Variants in OR2W1 observed in about 807,000 individuals in gnomAD.
OR2W1 encodes olfactory receptor 2W1.
For missense variants in OR2W1, 367 were observed against 385.3 expected (o/e 0.95, Z 0.40); for synonymous variants, 133 against 137.8 (o/e 0.97, Z 0.24).
In OR2W1 at chr6:29,044,602, T is replaced by G. The variant is rs1784034812; in HGVS notation, c.574A>C (p.Thr192Pro). The change falls in exon 1 of 1, where the codon ACC becomes CCC. Residue 192 changes from threonine (T) to proline (P), a missense_variant. Physicochemically the swap from Thr to Pro is conservative, Grantham distance 38. Coordinates refer to ENST00000377175, the MANE Select transcript of OR2W1 (RefSeq NM_030903.3). This position sits in a 1 kb window ranked among gnomAD's most constrained non-coding sequence, Gnocchi z 4.3. Reference sequence around the variant, plus strand: ...AAAACAGACATTTCAACTGTTGTGGTGTCTACACAAGCTATCTTGACCAGA... The same window carrying G: ...AAAACAGACATTTCAACTGTTGTGGGGTCTACACAAGCTATCTTGACCAGA... Reference protein sequence around the residue: ...PALVKIACVDTTTVEMSVFAL... With the variant: ...PALVKIACVDPTTVEMSVFAL... The G allele has an allele frequency of 6.2e-7, 1 of 1,613,052 alleles. No homozygotes were observed. The highest frequency in any genetic ancestry group is 1.1e-5 in the South Asian group (1 of 91,084).
rs1335097537 is a variant in OR2W1, at chr6:29,044,946, A to C, written c.230T>G (p.Ile77Ser). Residue 77 changes from isoleucine (I) to serine (S), a missense_variant, in exon 1 of 1, where the codon ATC becomes AGC. Coordinates refer to ENST00000377175, the MANE Select transcript of OR2W1 (RefSeq NM_030903.3). The surrounding 1 kb of genome is among the most constrained non-coding windows in gnomAD (Gnocchi z 4.3). ...SFLDLCFTTS[I>S]IPQMLVNLWG... ...CAAGTTGACCAGCATCTGAGGGATG[A>C]TGCTGGTTGTGAAACATAGATCTAG... 16 of 1,612,984 alleles carry C rather than the reference A, an allele frequency of 9.9e-6. No individual in the cohort carries two copies. Among genetic ancestry groups the C allele is most frequent in the Non-Finnish European group, 1.4e-5 (16 of 1,179,974 alleles).
Position 29,045,059 on chromosome 6 carries a change from C to CTT in OR2W1, c.116_117insAA (p.Val40ArgfsTer31). On this transcript the variant is annotated frameshift_variant, in exon 1 of 1. Transcript: ENST00000377175. LOFTEE classifies it low-confidence loss of function (END_TRUNC). Reference sequence around the variant, plus strand: ...CAAGAATGATGGCTGTGTTACCCACCAATGTAATTAAGTAGAAGATGGCGA... The same window carrying CTT: ...CAAGAATGATGGCTGTGTTACCCACCTTAATGTAATTAAGTAGAAGATGGCGA... The CTT allele has an allele frequency of 6.2e-7, 1 of 1,612,948 alleles. No homozygotes were observed. The highest frequency in any genetic ancestry group is 1.7e-5 in the Admixed American group (1 of 60,016).
Position 29,044,478 on chromosome 6 carries a change from CT to C in OR2W1, c.697del (p.Ser233AlafsTer6). 1 of 1,613,004 alleles carries C rather than the reference CT, an allele frequency of 6.2e-7. No homozygotes were observed. The highest frequency in any genetic ancestry group is 1.7e-5 in the Admixed American group (1 of 60,016). ...KAVLRTKSKA[S>X]QRKAMNTCGS... ...ACAGGTATTCATTGCTTTTCGCTGG[CT>C]TGCTTTTGACTTCGTTCTCAGCACA... On this transcript the variant is annotated frameshift_variant, in exon 1 of 1. Coordinates refer to ENST00000377175, the MANE Select transcript of OR2W1 (RefSeq NM_030903.3). LOFTEE classifies it low-confidence loss of function (END_TRUNC). This position sits in a 1 kb window ranked among gnomAD's most constrained non-coding sequence, Gnocchi z 4.3.
rs1439518962 is a variant in OR2W1 at position 29,044,389 on chromosome 6, C to G, written c.787G>C (p.Gly263Arg). 1.9e-6 allele frequency: 3 copies of G among 1,612,652 alleles called. No homozygotes were observed. Among genetic ancestry groups the G allele is most frequent in the South Asian group, 2.2e-5 (2 of 91,072 alleles). ...GTIIYMYLQP[G>R]NRASKDQGKF... ...CCCTGGTCTTTGGAAGCCCTGTTAC[C>G]TGGTTGCAGGTACATGTAGATAATA... The change falls in exon 1 of 1, where the codon GGT (glycine) becomes CGT (arginine). Residue 263 changes from glycine to arginine, a missense_variant. By Grantham distance (125) the Gly-to-Arg change is moderately radical. Coordinates refer to ENST00000377175, the MANE Select transcript of OR2W1 (RefSeq NM_030903.3). The surrounding 1 kb of genome is among the most constrained non-coding windows in gnomAD (Gnocchi z 4.3).
At position 29,045,145 on chromosome 6, in the gene OR2W1, C is replaced by G. The variant is rs747476831; in HGVS notation, c.31G>C (p.Gly11Arg). 1 of 1,611,740 alleles carries G rather than the reference C, an allele frequency of 6.2e-7. No homozygotes were observed. Among genetic ancestry groups the G allele is most frequent in the South Asian group, 1.1e-5 (1 of 90,902 alleles). ...TTAGAGAAGCCAAGCAGAATAAAAC[C>G]ATGTAAAGAACTATAATTGCTTTGG... MDQSNYSSLHGFILLGFSNHP... is the reference protein window; with the variant it reads MDQSNYSSLHRFILLGFSNHP... Residue 11 changes from glycine to arginine, a missense_variant, in exon 1 of 1, where the codon GGT (glycine) becomes CGT (arginine). By Grantham distance (125) the Gly-to-Arg change is moderately radical. Transcript: ENST00000377175.
rs765958420 is a variant in OR2W1, at chr6:29,044,531, A to G, written c.645T>C (p.Leu215=). 12 of 1,613,044 alleles carry G rather than the reference A, an allele frequency of 7.4e-6. No homozygotes were observed. The highest frequency in any genetic ancestry group is 3.3e-4 in the Middle Eastern group (2 of 6,062). The change falls in exon 1 of 1, where the codon CTT becomes CTC. Residue 215 remains leucine (L), a synonymous_variant. Transcript: ENST00000377175. This position sits in a 1 kb window ranked among gnomAD's most constrained non-coding sequence, Gnocchi z 4.3. ...IIVLTPLILI[L]ISYGYIAKAV... ...CTTTGGCAATGTAGCCATAGGATAT[A>G]AGAATAAGGATGAGAGGTGTGAGGA...
rs1783995061 is a variant in OR2W1, at chr6:29,044,232, T to C, written c.944A>G (p.Lys315Arg). ...CTTTATCTATGACTTGCAATTCCTC[T>C]TTATTTTTGTAGATTTGTGGTGAAA... is the stretch of plus-strand genomic sequence containing the variant. ...MRFHHKSTKI[K>R]RNCKS Residue 315 changes from lysine to arginine, a missense_variant, in exon 1 of 1, where the codon AAG becomes AGG. Transcript: ENST00000377175. The surrounding 1 kb of genome is among the most constrained non-coding windows in gnomAD (Gnocchi z 4.3). 2 of 1,567,004 alleles carry C rather than the reference T, an allele frequency of 1.3e-6. No homozygotes were observed. The highest frequency in any genetic ancestry group is 8.6e-7 in the Non-Finnish European group (1 of 1,158,582).
Position 29,044,405 on chromosome 6 carries a change from G to T in OR2W1, c.771C>A (p.Tyr257Ter). 1 of 1,612,898 alleles carries T rather than the reference G, an allele frequency of 6.2e-7. No homozygotes were observed. Among genetic ancestry groups the T allele is most frequent in the Non-Finnish European group, 8.5e-7 (1 of 1,179,936 alleles). The change falls in exon 1 of 1, where the codon TAC becomes TAA. Residue 257 changes from tyrosine to a stop codon, truncating the protein, a stop_gained. Coordinates refer to ENST00000377175, the MANE Select transcript of OR2W1 (RefSeq NM_030903.3). LOFTEE classifies it low-confidence loss of function (END_TRUNC). This position sits in a 1 kb window ranked among gnomAD's most constrained non-coding sequence, Gnocchi z 4.3. ...VVSMFYGTII[Y>*]MYLQPGNRAS... ...CCCTGTTACCTGGTTGCAGGTACAT[G>T]TAGATAATAGTTCCATAGAACATAG...
At position 29,045,115 on chromosome 6, in the gene OR2W1, G is replaced by T. The variant is rs754541320; in HGVS notation, c.61C>A (p.Pro21Thr). 52 of 1,612,632 alleles carry T rather than the reference G, an allele frequency of 3.2e-5. 1 individual carries two copies. The Admixed American group carries it at 8.7e-4, about 27-fold the overall frequency. Residue 21 changes from proline (P) to threonine (T), a missense_variant, in exon 1 of 1, where the codon CCA becomes ACA. Transcript: ENST00000377175. ...CCTGACAGGATCATCTCCATTTTTG[G>T]ATGGTTAGAGAAGCCAAGCAGAATA... ...GFILLGFSNH[P>T]KMEMILSGVV...
At position 29,044,658 on chromosome 6, in the gene OR2W1, A is replaced by G; in HGVS notation, c.518T>C (p.Ile173Thr). 1.2e-6 allele frequency: 2 copies of G among 1,613,056 alleles called. No homozygotes were observed. Among genetic ancestry groups the G allele is most frequent in the Non-Finnish European group, 1.7e-6 (2 of 1,180,002 alleles). The change falls in exon 1 of 1, where the codon ATT (isoleucine) becomes ACT (threonine). Residue 173 changes from isoleucine (I) to threonine (T), a missense_variant. Ile to Thr is a moderately conservative substitution (Grantham distance 89). Transcript: ENST00000377175. This position sits in a 1 kb window ranked among gnomAD's most constrained non-coding sequence, Gnocchi z 4.3. ...CAACTCACACAAGAAATGATCCAGA[A>G]TGTTGTTTCCACATGTGGGCAAATT... ...TLNLPTCGNN[I>T]LDHFLCELPA...
Position 29,045,155 on chromosome 6 carries a change from A to G in OR2W1, c.21T>C (p.Ser7=), listed in dbSNP as rs1406462196. The change falls in exon 1 of 1, where the codon AGT becomes AGC. Residue 7 remains serine, a synonymous_variant. Coordinates refer to ENST00000377175, the MANE Select transcript of OR2W1 (RefSeq NM_030903.3). MDQSNY[S]SLHGFILLGF... ...CAAGCAGAATAAAACCATGTAAAGAACTATAATTGCTTTGGTCCATAGTCC... is the reference window on the plus strand; with the variant it reads ...CAAGCAGAATAAAACCATGTAAAGAGCTATAATTGCTTTGGTCCATAGTCC... 1.9e-6 allele frequency: 3 copies of G among 1,610,706 alleles called. No individual in the cohort carries two copies. The highest frequency in any genetic ancestry group is 1.7e-5 in the Admixed American group (1 of 59,782).
In OR2W1 at chr6:29,044,627, A is replaced by G. The variant is rs571289567; in HGVS notation, c.549T>C (p.Ala183=). Reference sequence around the variant, plus strand: ...TGTCTACACAAGCTATCTTGACCAGAGCTGGCAACTCACACAAGAAATGAT... The same window carrying G: ...TGTCTACACAAGCTATCTTGACCAGGGCTGGCAACTCACACAAGAAATGAT... ...ILDHFLCELP[A]LVKIACVDTT... The change falls in exon 1 of 1, where the codon GCT becomes GCC. Residue 183 remains alanine, a synonymous_variant. Transcript: ENST00000377175. The surrounding 1 kb of genome is among the most constrained non-coding windows in gnomAD (Gnocchi z 4.3). 6.2e-7 allele frequency: 1 copy of G among 1,612,914 alleles called. No homozygotes were observed. The highest frequency in any genetic ancestry group is 8.5e-7 in the Non-Finnish European group (1 of 1,180,006).
At position 29,045,070 on chromosome 6, in the gene OR2W1, A is replaced by C; in HGVS notation, c.106T>G (p.Leu36Val). ...GCTGTGTTACCCACCAATGTAATTAAGTAGAAGATGGCGACAACTCCTGAC... is the reference window on the plus strand; with the variant it reads ...GCTGTGTTACCCACCAATGTAATTACGTAGAAGATGGCGACAACTCCTGAC... ...ILSGVVAIFY[L>V]ITLVGNTAII... is the part of the protein sequence containing the mutation. The change falls in exon 1 of 1, where the codon TTA becomes GTA. Residue 36 changes from leucine (L) to valine (V), a missense_variant. By Grantham distance (32) the Leu-to-Val change is conservative. Coordinates refer to ENST00000377175, the MANE Select transcript of OR2W1 (RefSeq NM_030903.3). 1 of 1,613,080 alleles carries C rather than the reference A, an allele frequency of 6.2e-7. No homozygotes were observed. Among genetic ancestry groups the C allele is most frequent in the Non-Finnish European group, 8.5e-7 (1 of 1,180,022 alleles).
rs764166347 is a variant in OR2W1, at chr6:29,044,244, G to A, written c.932C>T (p.Ser311Phe). The change falls in exon 1 of 1, where the codon TCT (serine) becomes TTT (phenylalanine). Residue 311 changes from serine to phenylalanine, a missense_variant. Coordinates refer to ENST00000377175, the MANE Select transcript of OR2W1 (RefSeq NM_030903.3). The surrounding 1 kb of genome is among the most constrained non-coding windows in gnomAD (Gnocchi z 4.3). ...LKKLMRFHHK[S>F]TKIKRNCKS The stretch of plus-strand genomic sequence containing the variant: ...CTTGCAATTCCTCTTTATTTTTGTA[G>A]ATTTGTGGTGAAATCTCATCAGTTT... 1 of 1,578,334 alleles carries A rather than the reference G, an allele frequency of 6.3e-7. No individual in the cohort carries two copies. Among genetic ancestry groups the A allele is most frequent in the East Asian group, 2.2e-5 (1 of 44,586 alleles).
rs1784084449 is a variant in OR2W1 at position 29,045,092 on chromosome 6, T to C, written c.84A>G (p.Ser28=). 9.9e-6 allele frequency: 16 copies of C among 1,612,952 alleles called. No individual in the cohort carries two copies. The highest frequency in any genetic ancestry group is 1.4e-5 in the Non-Finnish European group (16 of 1,179,924). The change falls in exon 1 of 1, where the codon TCA becomes TCG. Residue 28 remains serine, a synonymous_variant. Transcript: ENST00000377175. ...TTAAGTAGAAGATGGCGACAACTCC[T>C]GACAGGATCATCTCCATTTTTGGAT... ...SNHPKMEMIL[S]GVVAIFYLIT...
In OR2W1 at chr6:29,044,331, G is replaced by T. The variant is rs772200472; in HGVS notation, c.845C>A (p.Thr282Asn). The T allele has an allele frequency of 6.2e-7, 1 of 1,612,868 alleles. No homozygotes were observed. The highest frequency in any genetic ancestry group is 2.2e-5 in the East Asian group (1 of 44,886). Residue 282 changes from threonine to asparagine, a missense_variant, in exon 1 of 1, where the codon ACT becomes AAT. By Grantham distance (65) the Thr-to-Asn change is moderately conservative. Transcript: ENST00000377175. This position sits in a 1 kb window ranked among gnomAD's most constrained non-coding sequence, Gnocchi z 4.3. The part of the protein sequence containing the change: ...KFLTLFYTVI[T>N]PSLNPLIYTL... ...GTAAATGAGCGGGTTGAGACTTGGA[G>T]TGATGACGGTGTAAAAGAGGGTGAG...
rs754002661 is a variant in OR2W1 at position 29,044,984 on chromosome 6, T to G, written c.192A>C (p.Arg64Ser). ...QLHTPMYFFL[R>S]NLSFLDLCFT... ...AACATAGATCTAGGAAAGATAAATTTCTGAGGAAAAAGTACATTGGTGTAT... is the reference window on the plus strand; with the variant it reads ...AACATAGATCTAGGAAAGATAAATTGCTGAGGAAAAAGTACATTGGTGTAT... Residue 64 changes from arginine to serine, a missense_variant, in exon 1 of 1, where the codon AGA becomes AGC. Physicochemically the swap from Arg to Ser is moderately radical, Grantham distance 110. Coordinates refer to ENST00000377175, the MANE Select transcript of OR2W1 (RefSeq NM_030903.3). The surrounding 1 kb of genome is among the most constrained non-coding windows in gnomAD (Gnocchi z 4.3). 6.2e-7 allele frequency: 1 copy of G among 1,612,878 alleles called. No homozygotes were observed. The highest frequency in any genetic ancestry group is 1.1e-5 in the South Asian group (1 of 91,072).
Position 29,044,239 on chromosome 6 carries a change from T to G in OR2W1, c.937A>C (p.Lys313Gln). 6.4e-7 allele frequency: 1 copy of G among 1,571,738 alleles called. No homozygotes were observed. The highest frequency in any genetic ancestry group is 1.2e-5 in the South Asian group (1 of 84,402). Reference sequence around the variant, plus strand: ...TATGACTTGCAATTCCTCTTTATTTTTGTAGATTTGTGGTGAAATCTCATC... The same window carrying G: ...TATGACTTGCAATTCCTCTTTATTTGTGTAGATTTGTGGTGAAATCTCATC... ...KLMRFHHKST[K>Q]IKRNCKS Residue 313 changes from lysine (K) to glutamine (Q), a missense_variant, in exon 1 of 1, where the codon AAA (lysine) becomes CAA (glutamine). Physicochemically the swap from Lys to Gln is moderately conservative, Grantham distance 53. Transcript: ENST00000377175. This position sits in a 1 kb window ranked among gnomAD's most constrained non-coding sequence, Gnocchi z 4.3.
Position 29,044,629 on chromosome 6 carries a change from C to T in OR2W1, c.547G>A (p.Ala183Thr). The T allele has an allele frequency of 6.2e-7, 1 of 1,613,020 alleles. No homozygotes were observed. Among genetic ancestry groups the T allele is most frequent in the Non-Finnish European group, 8.5e-7 (1 of 1,179,998 alleles). The change falls in exon 1 of 1, where the codon GCT (alanine) becomes ACT (threonine). Residue 183 changes from alanine to threonine, a missense_variant. Ala to Thr is a moderately conservative substitution (Grantham distance 58, BLOSUM62 0). Coordinates refer to ENST00000377175, the MANE Select transcript of OR2W1 (RefSeq NM_030903.3). This position sits in a 1 kb window ranked among gnomAD's most constrained non-coding sequence, Gnocchi z 4.3. ...TCTACACAAGCTATCTTGACCAGAG[C>T]TGGCAACTCACACAAGAAATGATCC... ...ILDHFLCELP[A>T]LVKIACVDTT...
Sources: allele counts gnomAD v4.1 joint callset, GRCh38; gene constraint gnomAD v4.1.1; non-coding constraint Gnocchi (gnomAD v3.1); transcripts MANE v1.5; gene names NCBI Gene and HGNC (gene_info 2026-07-23, HGNC 2026-07-21).